PSKH1: variants seen among roughly 807,000 people sequenced by gnomAD.
PSKH1 encodes the protein protein serine kinase H1, also known as serine/threonine-protein kinase H1.
A neutral mutation model predicts 26.7 loss-of-function variants in PSKH1; 12 were observed. The ratio of observed to expected loss-of-function variants is 0.45; its 90% CI spans 0.29 to 0.73. PSKH1 has a LOEUF of 0.73. Ranked by LOEUF, PSKH1 falls within the 30% of genes least tolerant of loss-of-function variation. The pLI is 0.11. For synonymous variants in PSKH1, 213 were observed against 234.3 expected, an observed-to-expected ratio of 0.91 and a Z score of 0.83; for missense variants, 431 against 595.2, an observed-to-expected ratio of 0.72 and a Z score of 2.87.
At position 67,927,208 on chromosome 16, in the gene PSKH1, T is replaced by C. The variant is rs925741735; in HGVS notation, c.958-117T>C. Reference sequence around the variant, plus strand: ...GGGCGGGGAGGCCCCAAGTGCTACATGAGAGGAGGGGCAGCACCTCTCTCT... The same window carrying C: ...GGGCGGGGAGGCCCCAAGTGCTACACGAGAGGAGGGGCAGCACCTCTCTCT... On this transcript the variant is annotated intron_variant, in intron 2 of 2. Transcript: ENST00000291041. The surrounding 1 kb of genome is among the most constrained non-coding windows in gnomAD (Gnocchi z 5.5). The C allele has an allele frequency of 1.2e-5, 13 of 1,067,810 alleles. No individual in the cohort carries two copies. Among genetic ancestry groups the C allele is most frequent in the Non-Finnish European group, 1.6e-5 (12 of 735,888 alleles). 66.1% of individuals were successfully genotyped at this position (1,067,810 alleles called of 1,614,324 possible).
chr16:67,896,178 G>A (rs541476435), intron 1 of PSKH1, among the ~76,000 whole-genome samples: 2 of 151,642 alleles, frequency 1.3e-5, no homozygotes, highest in South Asian at 4.2e-4. Context: ...GCGTGAGCTC[G>A]GCTCACTACA....
rs2058225771 is a variant in PSKH1 at position 67,928,375 on chromosome 16, G to C, written c.*733G>C. ...CCTCTCCAGATTCTGAGGGGTCTCA[G>C]CCCACCGCCCTTGGTGCCTTCTTTG... On this transcript the variant is annotated 3_prime_UTR_variant, in exon 3 of 3. Coordinates refer to ENST00000291041, the MANE Select transcript of PSKH1 (RefSeq NM_006742.3). This position sits in a 1 kb window ranked among gnomAD's most constrained non-coding sequence, Gnocchi z 4.8. 1 of 152,804 alleles carries C rather than the reference G, an allele frequency of 6.5e-6. No individual in the cohort carries two copies. The highest frequency in any genetic ancestry group is 2.4e-5 in the African/African-American group (1 of 41,450). 9.5% of individuals were successfully genotyped at this position (152,804 alleles called of 1,614,324 possible).
intron 2 of PSKH1, among the ~76,000 whole-genome samples, chr16:67,910,754 T>C (rs1366335860): frequency 1.3e-5 from 2 of 152,210 alleles, no homozygotes; most frequent in Non-Finnish European, 2.9e-5. Flanking sequence ...CCGCCGGCCT[T>C]GGCCTCCCAA....
chr16:67,903,752 G>T (rs1459057041), intron 1 of PSKH1, among the ~76,000 whole-genome samples: 2 of 151,594 alleles, frequency 1.3e-5, no homozygotes, highest in South Asian at 2.1e-4. Flanking sequence ...AAGGGACGGG[G>T]TGCTGTCCTC....
At chr16:67,906,253 G>A (rs2058155675) in intron 1 of PSKH1, among the ~76,000 whole-genome samples, 1 of 151,702 alleles carries the variant, frequency 6.6e-6, no homozygotes, top group African/African-American at 2.4e-5. Context: ...TGTATTTTTA[G>A]TAGAGACAGG....
intron 1 of PSKH1, among the ~76,000 whole-genome samples, chr16:67,903,967 G>A (rs1014019664): frequency 6.8e-6 from 1 of 147,802 alleles, no homozygotes; most frequent in Non-Finnish European, 1.5e-5. Context: ...CTCCTGCCTT[G>A]GCCTCCAAAG....
chr16:67,917,927 G>A (rs114884917), intron 2 of PSKH1, among the ~76,000 whole-genome samples: 6,219 of 152,236 alleles, frequency 0.041, 143 homozygotes, highest in Middle Eastern at 0.16. Context: ...GAGTGGAGAG[G>A]GCATGCTGGA....
In PSKH1 at chr16:67,908,868, C is replaced by T. The variant is rs1356246890; in HGVS notation, c.119C>T (p.Thr40Ile). The T allele has an allele frequency of 6.2e-7, 1 of 1,614,082 alleles. No individual in the cohort carries two copies. Among genetic ancestry groups the T allele is most frequent in the Non-Finnish European group, 8.5e-7 (1 of 1,180,048 alleles). The stretch of plus-strand genomic sequence containing the variant: ...AGTGACGTGTACAAGCACTTCATCA[C>T]AGAGGTGGACAGTGTTGGCCCTGTC... ...TKSDVYKHFI[T>I]EVDSVGPVKA... The change falls in exon 2 of 3, where the codon ACA (threonine) becomes ATA (isoleucine). Residue 40 changes from threonine to isoleucine, a missense_variant. Thr to Ile is a moderately conservative substitution (Grantham distance 89). Coordinates refer to ENST00000291041, the MANE Select transcript of PSKH1 (RefSeq NM_006742.3).
In PSKH1 at chr16:67,927,479, T is replaced by C; in HGVS notation, c.1112T>C (p.Ile371Thr). ...TCCATGAAGAACCTGCACCGCTCCATATCCCAGAACCTCCTTAAACGTGCC... is the reference window on the plus strand; with the variant it reads ...TCCATGAAGAACCTGCACCGCTCCACATCCCAGAACCTCCTTAAACGTGCC... Reference protein sequence around the residue: ...SSSMKNLHRSISQNLLKRASS... With the variant: ...SSSMKNLHRSTSQNLLKRASS... Residue 371 changes from isoleucine to threonine, a missense_variant, in exon 3 of 3, where the codon ATA becomes ACA. Ile to Thr is a moderately conservative substitution (Grantham distance 89, BLOSUM62 -1). Transcript: ENST00000291041. This position sits in a 1 kb window ranked among gnomAD's most constrained non-coding sequence, Gnocchi z 5.5. The C allele has an allele frequency of 1.2e-6, 2 of 1,614,196 alleles. No homozygotes were observed. The highest frequency in any genetic ancestry group is 1.7e-6 in the Non-Finnish European group (2 of 1,180,030).
chr16:67,895,219 G>A (rs2058122788), intron 1 of PSKH1, among the ~76,000 whole-genome samples: 1 of 151,186 alleles, frequency 6.6e-6, no homozygotes, highest in Non-Finnish European at 1.5e-5. Context: ...CACTATGCCT[G>A]GCTGAGATTT....
At chr16:67,900,731 C>G (rs571014339) in intron 1 of PSKH1, among the ~76,000 whole-genome samples, 2 of 152,246 alleles carry the variant, frequency 1.3e-5, no homozygotes, top group African/African-American at 4.8e-5. Flanking sequence ...GTCCAATGTG[C>G]GTGCCTTCTT....
In PSKH1 at chr16:67,909,701, G is replaced by A. The variant is rs760554211; in HGVS notation, c.952G>A (p.Gly318Arg). The A allele has an allele frequency of 6.2e-7, 1 of 1,609,900 alleles. No individual in the cohort carries two copies. The highest frequency in any genetic ancestry group is 1.1e-5 in the South Asian group (1 of 90,898). Residue 318 changes from glycine to arginine, a missense_variant, in exon 2 of 3, where the codon GGG becomes AGG. Coordinates refer to ENST00000291041, the MANE Select transcript of PSKH1 (RefSeq NM_006742.3). The surrounding 1 kb of genome is among the most constrained non-coding windows in gnomAD (Gnocchi z 7.8). ...CCTCAGGGGCAAGTACAGTTACTCTGGGGAGGTGAGTCTGTCCTGCCCCTG... is the reference window on the plus strand; with the variant it reads ...CCTCAGGGGCAAGTACAGTTACTCTAGGGAGGTGAGTCTGTCCTGCCCCTG... ...QILRGKYSYS[G>R]EPWPSVSNLA... is the part of the protein sequence containing the mutation.
At chr16:67,924,997 G>A (rs928394618) in intron 2 of PSKH1, among the ~76,000 whole-genome samples, 2 of 151,666 alleles carry the variant, frequency 1.3e-5, no homozygotes, top group African/African-American at 4.8e-5. Context: ...TTGAGGCGGA[G>A]TCTTACCATC....
At chr16:67,926,952 A>G (rs912421574) in intron 2 of PSKH1, among the ~76,000 whole-genome samples, 3 of 152,180 alleles carry the variant, frequency 2.0e-5, no homozygotes. Context: ...TTGGAGCTTC[A>G]ATCTGACTTA....
chr16:67,920,837 A>G (rs924517231), intron 2 of PSKH1, among the ~76,000 whole-genome samples: 1 of 152,174 alleles, frequency 6.6e-6, no homozygotes, highest in African/African-American at 2.4e-5. Context: ...GCTTAGTCAC[A>G]TTCATCTCTT....
At chr16:67,895,574 A>G (rs1338786278) in intron 1 of PSKH1, among the ~76,000 whole-genome samples, 4 of 151,818 alleles carry the variant, frequency 2.6e-5, no homozygotes, top group Non-Finnish European at 4.4e-5. Context: ...ACGCCCAGCT[A>G]ATTTTTGTAT....
intron 1 of PSKH1, among the ~76,000 whole-genome samples, chr16:67,897,807 C>T (rs2058130541): frequency 6.6e-6 from 1 of 152,114 alleles, no homozygotes; most frequent in Non-Finnish European, 1.5e-5. Flanking sequence ...CCACCTCAGC[C>T]TCCTGAGTGG....
chr16:67,908,670 T>C lies in PSKH1; in HGVS notation c.-70-10T>C, dbSNP rs1376320945. The C allele has an allele frequency of 8.1e-6, 10 of 1,230,816 alleles. No homozygotes were observed. Among genetic ancestry groups the C allele is most frequent in the African/African-American group, 7.6e-5 (5 of 66,028 alleles). 76.2% of individuals were successfully genotyped at this position (1,230,816 alleles called of 1,614,324 possible). A position where few individuals can be genotyped will look rare whatever the true frequency, so the allele number is the denominator to read the frequency against. ...CTGGCTGTGCTGACTTGTTCTCTCT[T>C]TGTGTGTAGGTGTAGACGGGGCACT... On this transcript the variant is annotated splice_polypyrimidine_tract_variant and intron_variant, in intron 1 of 2. Transcript: ENST00000291041.
chr16:67,919,745 G>A (rs2058196906), intron 2 of PSKH1, among the ~76,000 whole-genome samples: 2 of 152,192 alleles, frequency 1.3e-5, no homozygotes, highest in Admixed American at 1.3e-4. Context: ...GAGACCTCTG[G>A]CAGGAAGGCA....
Sources: gnomAD v4.1 joint callset for allele counts (sites outside exome capture counted in the v4.1 genomes callset) on GRCh38, gnomAD v4.1.1 for gene constraint, Gnocchi (gnomAD v3.1) non-coding constraint, MANE v1.5 for transcripts, NCBI Gene and HGNC (gene_info 2026-07-23, HGNC 2026-07-21) for gene names.